The following C3orf20 variants were observed in gnomAD, a reference collection of about 807,000 sequenced individuals.
C3orf20 encodes the protein family with sequence similarity 149 member C, also known as uncharacterized protein C3orf20.
Under a neutral mutation model 88.3 loss-of-function variants are expected in C3orf20, and 76 were observed. That is an observed-to-expected ratio of 0.86 (90% CI 0.72 to 1.04). The LOEUF (loss-of-function observed/expected upper bound fraction) is 1.04, where lower values mean the gene tolerates loss of function less well. C3orf20 is among the 50% of genes least tolerant of loss of function. The pLI is 0.00. For synonymous variants in C3orf20, 436 were observed against 437.4 expected, an observed-to-expected ratio of 1.00 and a Z score of 0.04; for missense variants, 1,056 against 1,123.3, an observed-to-expected ratio of 0.94 and a Z score of 0.86.
At chr3:14,684,110 C>A in intron 3 of C3orf20, 132 bp from the exon 4 acceptor site, 1 of 1,234,260 alleles carries the variant, frequency 8.1e-7, no homozygotes, top group Non-Finnish European at 1.1e-6. Flanking sequence ...ACAGTAGCCC[C>A]CTCACCCCTG....
intron 12 of C3orf20, among the ~76,000 whole-genome samples, chr3:14,756,613 C>G (rs1486967508): frequency 3.3e-5 from 5 of 152,162 alleles, no homozygotes; most frequent in Non-Finnish European, 7.3e-5. Context: ...AACGTTTGGA[C>G]AGAGCCTTGT....
intron 8 of C3orf20, 71 bp from the exon 9 acceptor site, chr3:14,715,218 C>T: frequency 6.4e-7 from 1 of 1,567,574 alleles, no homozygotes; most frequent in Non-Finnish European, 8.7e-7. Context: ...ACCTGTCTGC[C>T]CATAACCTGC....
intron 5 of C3orf20, among the ~76,000 whole-genome samples, chr3:14,702,404 GC>G (rs1384834264): frequency 2.0e-5 from 3 of 149,798 alleles, no homozygotes; most frequent in African/African-American, 4.9e-5. Flanking sequence ...ATATCATTCT[GC>G]CCCTGGCTCC....
chr3:14,715,358 C>G lies in C3orf20; in HGVS notation c.1383C>G (p.His461Gln), dbSNP rs143947885. 1.1e-5 allele frequency: 17 copies of G among 1,612,386 alleles called. No homozygotes were observed. The African/African-American group carries it at 1.2e-4, about 11-fold the overall frequency. Residue 461 changes from histidine (H) to glutamine (Q), a missense_variant, in exon 9 of 17, where the codon CAC becomes CAG. Coordinates refer to ENST00000253697, the MANE Select transcript of C3orf20 (RefSeq NM_032137.5). ...TTNDQQGYVV[H>Q]KWSWTSRTET... ...ATGACCAGCAGGGCTATGTAGTCCACAAGTGGAGCTGGACTTCCAGGACAG... is the reference window on the plus strand; with the variant it reads ...ATGACCAGCAGGGCTATGTAGTCCAGAAGTGGAGCTGGACTTCCAGGACAG...
At chr3:14,704,053 C>T (rs985594674) in intron 6 of C3orf20, among the ~76,000 whole-genome samples, 2 of 152,106 alleles carry the variant, frequency 1.3e-5, no homozygotes, top group Admixed American at 1.3e-4. Flanking sequence ...TCTTCAAACC[C>T]CCAGGACCCA....
At chr3:14,714,235 A>G in intron 8 of C3orf20, 76 bp downstream of exon 8, 1 of 1,517,452 alleles carries the variant, frequency 6.6e-7, no homozygotes, top group South Asian at 1.2e-5. Context: ...GGTGGTGACT[A>G]CGAGTCCCTG....
chr3:14,727,801 G>A (rs1478961127), intron 11 of C3orf20, among the ~76,000 whole-genome samples: 2 of 152,036 alleles, frequency 1.3e-5, no homozygotes, highest in Non-Finnish European at 2.9e-5. Context: ...GGATCCCACA[G>A]CACTTTGTAC....
At chr3:14,747,838 A>G (rs544420349) in intron 12 of C3orf20, among the ~76,000 whole-genome samples, 113 of 152,006 alleles carry the variant, frequency 7.4e-4, no homozygotes, top group Non-Finnish European at 1.3e-3. Context: ...TATATTATAT[A>G]TATATGATAT....
At chr3:14,762,528 C>G (rs2035591838) in intron 15 of C3orf20, among the ~76,000 whole-genome samples, 1 of 152,196 alleles carries the variant, frequency 6.6e-6, no homozygotes, top group South Asian at 2.1e-4. Context: ...AGCCCCTGCT[C>G]CACTCTACTG....
At chr3:14,712,871 T>G (rs1288697667) in intron 7 of C3orf20, among the ~76,000 whole-genome samples, 1 of 152,198 alleles carries the variant, frequency 6.6e-6, no homozygotes, top group Non-Finnish European at 1.5e-5. Flanking sequence ...TTTGTTTATC[T>G]GGGAATATTT....
intron 12 of C3orf20, among the ~76,000 whole-genome samples, chr3:14,734,584 C>T (rs1040976037): frequency 2.0e-5 from 3 of 152,022 alleles, no homozygotes; most frequent in Non-Finnish European, 4.4e-5. Flanking sequence ...CTGTAATTTG[C>T]TTAGACTTGT....
At chr3:14,760,272 C>T (rs1055119846) in intron 14 of C3orf20, among the ~76,000 whole-genome samples, 3 of 152,192 alleles carry the variant, frequency 2.0e-5, no homozygotes, top group Non-Finnish European at 2.9e-5. Context: ...AATCAAATTC[C>T]CTTCATCTGT....
chr3:14,766,368 G>C (rs2035701733), intron 15 of C3orf20, among the ~76,000 whole-genome samples: 1 of 152,192 alleles, frequency 6.6e-6, no homozygotes, highest in Admixed American at 6.5e-5. Flanking sequence ...CCCCCAGATG[G>C]AGGGGACTGA....
At chr3:14,738,034 A>G (rs2034774352) in intron 12 of C3orf20, among the ~76,000 whole-genome samples, 2 of 152,078 alleles carry the variant, frequency 1.3e-5, no homozygotes, top group South Asian at 4.1e-4. Flanking sequence ...TGCTATTTCT[A>G]CCACATTTTC....
chr3:14,705,497 A>G (rs1251998595), intron 7 of C3orf20, among the ~76,000 whole-genome samples: 8 of 152,264 alleles, frequency 5.3e-5, no homozygotes, highest in Non-Finnish European at 1.0e-4. Context: ...TTTGTACTTC[A>G]GAGGGAGCAA....
chr3:14,712,312 G>A (rs185316542), intron 7 of C3orf20, among the ~76,000 whole-genome samples: 3 of 152,116 alleles, frequency 2.0e-5, no homozygotes, highest in Non-Finnish European at 4.4e-5. Context: ...GAAACTACAA[G>A]GGGCAAGGAA....
At chr3:14,765,930 C>A (rs2035689503) in intron 15 of C3orf20, among the ~76,000 whole-genome samples, 1 of 152,220 alleles carries the variant, frequency 6.6e-6, no homozygotes. Context: ...CCAGCAGGGG[C>A]TGGGGCAAGC....
chr3:14,735,674 A>G (rs2034684041), intron 12 of C3orf20, among the ~76,000 whole-genome samples: 2 of 151,772 alleles, frequency 1.3e-5, no homozygotes, highest in Admixed American at 1.3e-4. Flanking sequence ...GCTCACTGCA[A>G]CCTCCACCTC....
chr3:14,772,305 A>C lies in C3orf20; in HGVS notation c.2630+104A>C. ...ACTACCCCCAGGCGTGGCCTGGGTC[A>C]TGTCCAACCATCGCTGACATCTAGC... is the stretch of plus-strand genomic sequence containing the variant. On this transcript the variant is annotated intron_variant, in intron 16 of 16. Coordinates refer to ENST00000253697, the MANE Select transcript of C3orf20 (RefSeq NM_032137.5). The surrounding 1 kb of genome is among the most constrained non-coding windows in gnomAD (Gnocchi z 4.2). 1.4e-6 allele frequency: 2 copies of C among 1,410,886 alleles called. No individual in the cohort carries two copies. The highest frequency in any genetic ancestry group is 2.0e-6 in the Non-Finnish European group (2 of 1,014,446). The allele number at this position is 1,410,886 out of a possible 1,614,324, so 87.4% of individuals were successfully genotyped here. A position where few individuals can be genotyped will look rare whatever the true frequency, so the allele number is the denominator to read the frequency against.
Sources: gnomAD v4.1 joint callset for allele counts (sites outside exome capture counted in the v4.1 genomes callset) on GRCh38, gnomAD v4.1.1 for gene constraint, Gnocchi (gnomAD v3.1) non-coding constraint, MANE v1.5 for transcripts, NCBI Gene and HGNC (gene_info 2026-07-23, HGNC 2026-07-21) for gene names.